RMDN3: variants seen among roughly 807,000 people sequenced by gnomAD.
RMDN3 encodes regulator of microtubule dynamics 3, also known as regulator of microtubule dynamics protein 3.
RMDN3 carries 41 observed loss-of-function variants against 61.8 expected under a neutral mutation model. That is an observed-to-expected ratio of 0.66 (90% CI 0.52 to 0.86). The LOEUF (loss-of-function observed/expected upper bound fraction) is 0.86. Ranked by LOEUF, RMDN3 falls within the 40% of genes least tolerant of loss-of-function variation. RMDN3 has a pLI of 0.00. For missense variants in RMDN3, 557 were observed against 585.3 expected, an observed-to-expected ratio of 0.95 and a Z score of 0.50; for synonymous variants, 247 against 232.0, an observed-to-expected ratio of 1.06 and a Z score of -0.59.
intron 4 of RMDN3, among the ~76,000 whole-genome samples, chr15:40,746,162 C>A (rs923999164): frequency 3.3e-5 from 5 of 152,104 alleles, no homozygotes; most frequent in African/African-American, 1.2e-4. Flanking sequence ...GGTGTTTTCC[C>A]TAAATGCCTA....
In RMDN3 at chr15:40,738,059, A is replaced by T. The variant is rs368610327; in HGVS notation, c.1048-17T>A. ...CACATGCTCCTAAGGGGAAAATGTAAATATAAACTAACATCAGACACCAGA... is the reference window on the plus strand; with the variant it reads ...CACATGCTCCTAAGGGGAAAATGTATATATAAACTAACATCAGACACCAGA... On this transcript the variant is annotated splice_polypyrimidine_tract_variant and intron_variant, in intron 8 of 12. Coordinates refer to ENST00000338376, the MANE Select transcript of RMDN3 (RefSeq NM_018145.3). 6.2e-6 allele frequency: 10 copies of T among 1,612,820 alleles called. No homozygotes were observed. Among genetic ancestry groups the T allele is most frequent in the Non-Finnish European group, 7.6e-6 (9 of 1,178,922 alleles).
chr15:40,737,444 A>G (rs903502796), intron 10 of RMDN3, 103 bp from the exon 11 acceptor site: 42 of 1,234,626 alleles, frequency 3.4e-5, no homozygotes, highest in Non-Finnish European at 4.1e-5. Flanking sequence ...TGGCTGATTC[A>G]GTGGGTCTGA....
In RMDN3 at chr15:40,746,442, G is replaced by C. The variant is rs538889086; in HGVS notation, c.525-1183C>G. Among the ~76,000 whole-genome samples, 22 of 151,812 alleles carry C rather than the reference G, an allele frequency of 1.4e-4. No homozygotes were observed. In the East Asian group the frequency reaches 3.7e-3, roughly 25 times the overall value. On this transcript the variant is annotated intron_variant, in intron 4 of 12. Transcript: ENST00000338376. ...GAGGCAGAAGAATGGGCGTGAACCC[G>C]GGAGGCAGAGCTTGCAGTGAGCGGA...
intron 5 of RMDN3, 162 bp from the exon 6 acceptor site, chr15:40,744,311 T>C: frequency 1.6e-6 from 1 of 625,166 alleles, no homozygotes; most frequent in Non-Finnish European, 2.9e-6. Context: ...CAGTCATCCC[T>C]TCCCACGTGC....
At chr15:40,747,328 AAG>A (rs375117297) in intron 4 of RMDN3, among the ~76,000 whole-genome samples, 195 of 152,306 alleles carry the variant, frequency 1.3e-3, no homozygotes, top group African/African-American at 4.5e-3. Flanking sequence ...CAAAGCCAAG[AAG>A]AGAGGTCAGG....
chr15:40,737,563 ATAATGTCCTTAGGAAAAAACAAGGT>A (rs1897106588), intron 10 of RMDN3, 40 bp downstream of exon 10: 2 of 1,453,222 alleles, frequency 1.4e-6, no homozygotes, highest in Admixed American at 3.5e-5. Flanking sequence ...AAGGGTCTCA[ATAATGTCCTTAGGAAAAAACAAGGT>A]TACCCTGGTG....
At chr15:40,745,419 T>TTC (rs1897492400) in intron 4 of RMDN3, among the ~76,000 whole-genome samples, 160 bp from the exon 5 acceptor site, 1 of 150,418 alleles carries the variant, frequency 6.6e-6, no homozygotes, top group Non-Finnish European at 1.5e-5. Context: ...TTTCTTTTTT[T>TTC]TTTTTTTTTT....
rs367810649 is a variant in RMDN3 at position 40,737,744 on chromosome 15, A to C, written c.1126-18T>G. The C allele has an allele frequency of 4.5e-5, 73 of 1,610,888 alleles. 1 individual carries two copies. The highest frequency in any genetic ancestry group is 6.0e-5 in the Non-Finnish European group (71 of 1,177,410). On this transcript the variant is annotated intron_variant, in intron 9 of 12. Transcript: ENST00000338376. ...TGAGAGACCTGCCACAAAAAGATCAAGGTGTGTATAAGAGGTTTTAAAAGG... is the reference window on the plus strand; with the variant it reads ...TGAGAGACCTGCCACAAAAAGATCACGGTGTGTATAAGAGGTTTTAAAAGG...
At chr15:40,738,717 A>G (rs1897164443) in intron 7 of RMDN3, 141 bp from the exon 8 acceptor site, 2 of 739,602 alleles carry the variant, frequency 2.7e-6, no homozygotes, top group African/African-American at 3.5e-5. Flanking sequence ...TTTCATCTGT[A>G]CGTAATCCCC....
At chr15:40,740,493 A>T (rs1442218039) in intron 6 of RMDN3, among the ~76,000 whole-genome samples, 2 of 152,144 alleles carry the variant, frequency 1.3e-5, no homozygotes, top group African/African-American at 4.8e-5. Context: ...CAAAAATACA[A>T]AAATTAGCTG....
chr15:40,737,005 C>A, intron 12 of RMDN3, 119 bp downstream of exon 12: 1 of 837,738 alleles, frequency 1.2e-6, no homozygotes, highest in South Asian at 1.5e-5. Flanking sequence ...AGGCGTGCGC[C>A]ACTAGGCCCA....
chr15:40,751,631 C>T (rs752754535), intron 3 of RMDN3, 62 bp from the exon 4 acceptor site: 1 of 1,607,614 alleles, frequency 6.2e-7, no homozygotes, highest in Non-Finnish European at 8.5e-7. Flanking sequence ...TCTTTCTGCT[C>T]ACCATGGGGT....
At chr15:40,745,600 A>G (rs1897504290) in intron 4 of RMDN3, among the ~76,000 whole-genome samples, 1 of 151,958 alleles carries the variant, frequency 6.6e-6, no homozygotes, top group Non-Finnish European at 1.5e-5. Context: ...CCCTGGCCTC[A>G]AGTGATCCGC....
chr15:40,754,502 C>T (rs1838353482), intron 2 of RMDN3, 95 bp downstream of exon 2: 1 of 1,279,104 alleles, frequency 7.8e-7, no homozygotes, highest in Non-Finnish European at 1.1e-6. Flanking sequence ...AAGCACTTCT[C>T]TCCGTTACCC....
chr15:40,748,802 G>A (rs1897687158), intron 4 of RMDN3, among the ~76,000 whole-genome samples: 1 of 152,052 alleles, frequency 6.6e-6, no homozygotes, highest in Non-Finnish European at 1.5e-5. Context: ...GTTTCACCAT[G>A]TTGGCCGGGC....
chr15:40,751,365 A>T, intron 4 of RMDN3, 61 bp downstream of exon 4: 1 of 1,579,674 alleles, frequency 6.3e-7, no homozygotes, highest in Non-Finnish European at 8.6e-7. Flanking sequence ...TTCCATTGAT[A>T]ATACTTTTAC....
intron 6 of RMDN3, 115 bp downstream of exon 6, chr15:40,743,932 A>G (rs1897381890): frequency 5.0e-6 from 4 of 795,100 alleles, no homozygotes; most frequent in South Asian, 1.7e-5. Flanking sequence ...CTAGTGGGTA[A>G]CTGAGCCACA....
At chr15:40,739,884 C>G (rs993336388) in intron 7 of RMDN3, among the ~76,000 whole-genome samples, 1 of 152,136 alleles carries the variant, frequency 6.6e-6, no homozygotes, top group African/African-American at 2.4e-5. Context: ...CAAAGCTACT[C>G]ATTTCTCCAA....
At chr15:40,738,821 G>T in intron 7 of RMDN3, 1 of 545,630 alleles carries the variant, frequency 1.8e-6, no homozygotes, top group South Asian at 2.2e-5. Flanking sequence ...AAAAAAGCTG[G>T]GTTCACCACA....
Sources: allele counts gnomAD v4.1 joint callset (sites outside exome capture counted in the v4.1 genomes callset), GRCh38; gene constraint gnomAD v4.1.1; transcripts MANE v1.5; gene names NCBI Gene and HGNC (gene_info 2026-07-23, HGNC 2026-07-21).